Variants in P4HA2 observed in about 807,000 individuals in gnomAD.
P4HA2 encodes prolyl 4-hydroxylase subunit alpha-2.
In P4HA2, 46 loss-of-function variants were observed where a neutral mutation model predicts 76.9. That is an observed-to-expected ratio of 0.60 (90% CI 0.47 to 0.76). The LOEUF (loss-of-function observed/expected upper bound fraction) is 0.76, where lower values mean the gene tolerates loss of function less well. Ranked by LOEUF, P4HA2 falls within the 30% of genes least tolerant of loss-of-function variation. The probability of loss-of-function intolerance (pLI) is 0.00; values close to 1 mark genes in which losing one functional copy is unlikely to be tolerated. For missense variants in P4HA2, 583 were observed against 669.4 expected, an observed-to-expected ratio of 0.87 and a Z score of 1.42; for synonymous variants, 243 against 254.0, an observed-to-expected ratio of 0.96 and a Z score of 0.41.
chr5:132,218,041 G>A, intron 2 of P4HA2, 193 bp from the exon 3 acceptor site: 1 of 510,438 alleles, frequency 2.0e-6, no homozygotes, highest in Non-Finnish European at 3.5e-6. Context: ...ACTTCAGGAA[G>A]AAAGAGGCAG....
At chr5:132,212,920 A>G (rs1008694793) in intron 5 of P4HA2, among the ~76,000 whole-genome samples, 8 of 152,204 alleles carry the variant, frequency 5.3e-5, no homozygotes, top group Admixed American at 3.3e-4. Context: ...CCCTCTCTCT[A>G]ATGGAGTCTA....
chr5:132,204,285 C>G, intron 8 of P4HA2, 133 bp from the exon 9 acceptor site: 1 of 713,454 alleles, frequency 1.4e-6, no homozygotes, highest in Non-Finnish European at 2.5e-6. Flanking sequence ...ATGGCTCTAG[C>G]CAAGGCCCCA....
chr5:132,221,030 C>G (rs912609574), intron 1 of P4HA2, among the ~76,000 whole-genome samples: 1 of 152,206 alleles, frequency 6.6e-6, no homozygotes, highest in Admixed American at 6.5e-5. Context: ...ACTCAAAAGG[C>G]TCTGTACAAA....
At chr5:132,198,170 G>T in intron 12 of P4HA2, 151 bp downstream of exon 12, 1 of 1,613,692 alleles carries the variant, frequency 6.2e-7, no homozygotes, top group Non-Finnish European at 8.5e-7. Context: ...TGGACCCAGG[G>T]TCCCCTTAGG....
intron 5 of P4HA2, among the ~76,000 whole-genome samples, chr5:132,211,845 TATC>T (rs1357071441): frequency 6.6e-6 from 1 of 152,190 alleles, no homozygotes; most frequent in Admixed American, 6.5e-5. Flanking sequence ...ATAAAGATAA[TATC>T]ATCAATTTTA....
At position 132,190,624 on chromosome 5, in the gene P4HA2, A is replaced by G. The variant is rs537044865; in HGVS notation, c.*2386T>C. ...TGACAAAGACTATATAGCTTTCAGA[A>G]GAGAACACAGGAAACATCCTCATGA... On this transcript the variant is annotated 3_prime_UTR_variant, in exon 15 of 15. Transcript: ENST00000360568. Among the ~76,000 whole-genome samples, 1 of 152,366 alleles carries G rather than the reference A, an allele frequency of 6.6e-6. No individual in the cohort carries two copies. The highest frequency in any genetic ancestry group is 1.9e-4 in the East Asian group (1 of 5,196).
At chr5:132,209,418 C>G in intron 6 of P4HA2, 87 bp from the exon 7 acceptor site, 1 of 1,072,984 alleles carries the variant, frequency 9.3e-7, no homozygotes, top group African/African-American at 1.6e-5. Context: ...GGGTTTCTCT[C>G]CCAGCAGCTC....
At chr5:132,214,358 G>C (rs991682137) in intron 4 of P4HA2, among the ~76,000 whole-genome samples, 1 of 152,204 alleles carries the variant, frequency 6.6e-6, no homozygotes, top group Non-Finnish European at 1.5e-5. Context: ...CATTCAGTCA[G>C]AGCTGGTGGA....
chr5:132,209,063 T>G (rs1752654008), intron 7 of P4HA2, 75 bp downstream of exon 7: 10 of 1,090,154 alleles, frequency 9.2e-6, no homozygotes, highest in Middle Eastern at 3.1e-4. Flanking sequence ...AAAGAACACC[T>G]TCCCCAAATC....
At chr5:132,215,394 A>C (rs1249077649) in intron 4 of P4HA2, among the ~76,000 whole-genome samples, 1 of 152,136 alleles carries the variant, frequency 6.6e-6, no homozygotes, top group Non-Finnish European at 1.5e-5. Flanking sequence ...AAGATTGGAG[A>C]GAGGAGGTCA....
At chr5:132,220,141 A>G (rs2126628814) in intron 1 of P4HA2, among the ~76,000 whole-genome samples, 1 of 152,340 alleles carries the variant, frequency 6.6e-6, no homozygotes, top group South Asian at 2.1e-4. Flanking sequence ...AGAGAAAGTG[A>G]GTAAGCCTGG....
chr5:132,201,082 C>T (rs1751419769), intron 10 of P4HA2: 3 of 152,208 alleles, frequency 2.0e-5, no homozygotes, highest in Admixed American at 1.3e-4. Context: ...GAGGTATTCA[C>T]TTAAATCTTT....
Position 132,195,493 on chromosome 5 carries a change from G to A in P4HA2, c.1366-13C>T. On this transcript the variant is annotated splice_polypyrimidine_tract_variant and intron_variant, in intron 12 of 14. Coordinates refer to ENST00000360568, the MANE Select transcript of P4HA2 (RefSeq NM_001017974.2). ...CTACATCACTCATCTGGAAATATAA[G>A]ACATAGAGCTTGACCCTCCTACCCA... 1 of 1,604,476 alleles carries A rather than the reference G, an allele frequency of 6.2e-7. No individual in the cohort carries two copies. The highest frequency in any genetic ancestry group is 1.1e-5 in the South Asian group (1 of 90,884).
chr5:132,193,122 T>A lies in P4HA2; in HGVS notation c.1532-42A>T, dbSNP rs941785415. On this transcript the variant is annotated intron_variant, in intron 14 of 14. Transcript: ENST00000360568. ...AGCATGTTACAATCCTATTGGTCAG[T>A]TTAGTAGCCTGAATGAATGACTCCT... 5 of 1,399,266 alleles carry A rather than the reference T, an allele frequency of 3.6e-6. No individual in the cohort carries two copies. In the African/African-American group the frequency reaches 4.2e-5, roughly 12 times the overall value. 86.7% of individuals were successfully genotyped at this position (1,399,266 alleles called of 1,614,324 possible).
At chr5:132,199,022 G>T in intron 10 of P4HA2, 90 bp from the exon 11 acceptor site, 1 of 893,700 alleles carries the variant, frequency 1.1e-6, no homozygotes, top group South Asian at 1.4e-5. Context: ...TCCCAGGCCT[G>T]AAAACAACCA....
intron 5 of P4HA2, 129 bp from the exon 6 acceptor site, chr5:132,210,652 G>A: frequency 1.1e-6 from 1 of 884,580 alleles, no homozygotes; most frequent in Non-Finnish European, 1.8e-6. Flanking sequence ...CGGACATTTA[G>A]ACTGCATATC....
intron 1 of P4HA2, among the ~76,000 whole-genome samples, chr5:132,224,376 A>G (rs567863373): frequency 1.3e-5 from 2 of 152,268 alleles, no homozygotes; most frequent in Non-Finnish European, 2.9e-5. Context: ...ATGTGATGAC[A>G]GATGTTGGCA....
chr5:132,209,616 C>T (rs916446399), intron 6 of P4HA2, among the ~76,000 whole-genome samples: 6 of 152,164 alleles, frequency 3.9e-5, no homozygotes, highest in African/African-American at 1.4e-4. Context: ...AACCTCATCT[C>T]TACTAAAGAA....
At chr5:132,225,426 G>A (rs1269856097) in intron 1 of P4HA2, among the ~76,000 whole-genome samples, 6 of 152,116 alleles carry the variant, frequency 3.9e-5, no homozygotes, top group African/African-American at 1.4e-4. Context: ...GATGTGGGAG[G>A]GCAGAGTGAA....
Sources: allele counts gnomAD v4.1 joint callset (sites outside exome capture counted in the v4.1 genomes callset), GRCh38; gene constraint gnomAD v4.1.1; transcripts MANE v1.5; gene names NCBI Gene and HGNC (gene_info 2026-07-23, HGNC 2026-07-21).